The following SIPA1L1 variants were observed in gnomAD, a reference collection of about 807,000 sequenced individuals.
SIPA1L1 encodes signal induced proliferation associated 1 like 1, also known as signal-induced proliferation-associated 1-like protein 1.
In SIPA1L1, 26 loss-of-function variants were observed where a neutral mutation model predicts 162.7. The ratio of observed to expected loss-of-function variants is 0.16; its 90% confidence interval spans 0.12 to 0.22. SIPA1L1 has a LOEUF of 0.22. SIPA1L1 is among the 10% of genes least tolerant of loss of function. The pLI is 1.00. For missense variants in SIPA1L1, 1,874 were observed against 2,241.0 expected, an observed-to-expected ratio of 0.84 and a Z score of 3.31; for synonymous variants, 829 against 837.4, an observed-to-expected ratio of 0.99 and a Z score of 0.17.
chr14:71,700,286 A>G (rs1361174681), intron 14 of SIPA1L1, among the ~76,000 whole-genome samples: 1 of 151,654 alleles, frequency 6.6e-6, no homozygotes, highest in Non-Finnish European at 1.5e-5. Context: ...GGTCCCATAT[A>G]CTTGATAGGC....
intron 2 of SIPA1L1, among the ~76,000 whole-genome samples, chr14:71,365,345 C>T (rs893709655): frequency 6.6e-6 from 1 of 152,084 alleles, no homozygotes; most frequent in South Asian, 2.1e-4. Flanking sequence ...AATTACTTGC[C>T]TACCTATGCT....
At chr14:71,512,067 G>T (rs1015403145) in intron 2 of SIPA1L1, among the ~76,000 whole-genome samples, 1 of 152,152 alleles carries the variant, frequency 6.6e-6, no homozygotes, top group South Asian at 2.1e-4. Context: ...TCAAGGAGGG[G>T]GTCATGGGAA....
At chr14:71,417,364 G>A (rs1341272878) in intron 2 of SIPA1L1, among the ~76,000 whole-genome samples, 1 of 149,012 alleles carries the variant, frequency 6.7e-6, no homozygotes. Context: ...CCAGCTACTC[G>A]GGAGGCTGAG....
chr14:71,335,749 A>C (rs983248739), intron 2 of SIPA1L1, among the ~76,000 whole-genome samples: 1 of 152,210 alleles, frequency 6.6e-6, no homozygotes, highest in African/African-American at 2.4e-5. Flanking sequence ...AGATTTATAA[A>C]ATAGGTTTAC....
rs549084138 is a variant in SIPA1L1 at position 71,413,610 on chromosome 14, A to G, written c.-465+92429A>G. ...AAAATTAGCCGGTGTGGTGGTGCAC[A>G]CCTGTAATCCCAGCTACTCAGGAGG... On this transcript the variant is annotated intron_variant, in intron 2 of 23. Transcript: ENST00000381232. Among the ~76,000 whole-genome samples, 87 of 152,184 alleles carry G rather than the reference A, an allele frequency of 5.7e-4. 1 individual carries two copies. The East Asian group carries it at 0.016, about 28-fold the overall frequency.
intron 19 of SIPA1L1, 60 bp from the exon 20 acceptor site, chr14:71,729,994 CT>C: frequency 6.4e-7 from 1 of 1,570,138 alleles, no homozygotes; most frequent in Non-Finnish European, 8.7e-7. Flanking sequence ...CTCCCCCAAC[CT>C]TGGTCTCAGG....
chr14:71,739,189 C>A lies in SIPA1L1; in HGVS notation c.*28C>A. 2 of 1,589,598 alleles carry A rather than the reference C, an allele frequency of 1.3e-6. No individual in the cohort carries two copies. The highest frequency in any genetic ancestry group is 1.7e-6 in the Non-Finnish European group (2 of 1,165,352). On this transcript the variant is annotated 3_prime_UTR_variant, in exon 24 of 24. Coordinates refer to ENST00000381232, the MANE Select transcript of SIPA1L1 (RefSeq NM_001386936.1). ...AAGGCTGAGGAGGACAGGAGAAGGG[C>A]CCAGACACTCCCTCCAGTGAGTGTC...
chr14:71,671,901 C>CTGTGTGTGTGTGTG (rs34919280), intron 11 of SIPA1L1, among the ~76,000 whole-genome samples: 1 of 142,592 alleles, frequency 7.0e-6, no homozygotes, highest in Non-Finnish European at 1.5e-5. Flanking sequence ...CACATTTACT[C>CTGTGTGTGTGTGTG]TGTGTGTGTG....
intron 2 of SIPA1L1, among the ~76,000 whole-genome samples, chr14:71,352,001 A>G (rs893483041): frequency 1.3e-5 from 2 of 151,028 alleles, no homozygotes; most frequent in Non-Finnish European, 1.5e-5. Context: ...GCTAGGTATT[A>G]ACAAGTGTGC....
intron 5 of SIPA1L1, among the ~76,000 whole-genome samples, chr14:71,596,642 G>A (rs2036067705): frequency 6.6e-6 from 1 of 152,144 alleles, no homozygotes; most frequent in African/African-American, 2.4e-5. Flanking sequence ...GTCTGGAGGA[G>A]AACAAATAGA....
chr14:71,632,127 C>T (rs1249850559), intron 7 of SIPA1L1, among the ~76,000 whole-genome samples: 2 of 152,170 alleles, frequency 1.3e-5, no homozygotes, highest in Non-Finnish European at 2.9e-5. Context: ...TATTTCTCTG[C>T]GTTCTTCCTG....
chr14:71,619,467 A>C (rs910018957), intron 6 of SIPA1L1, among the ~76,000 whole-genome samples: 1 of 152,076 alleles, frequency 6.6e-6, no homozygotes, highest in African/African-American at 2.4e-5. Flanking sequence ...AAATATACAC[A>C]ATGTATGAGT....
chr14:71,577,187 A>G (rs551458844), intron 4 of SIPA1L1, among the ~76,000 whole-genome samples: 1 of 152,294 alleles, frequency 6.6e-6, no homozygotes, highest in South Asian at 2.1e-4. Context: ...TTAATTATCA[A>G]TAAATACTTT....
At chr14:71,339,487 C>T (rs1394183158) in intron 2 of SIPA1L1, among the ~76,000 whole-genome samples, 8 of 151,810 alleles carry the variant, frequency 5.3e-5, no homozygotes, top group African/African-American at 1.5e-4. Flanking sequence ...CTCAGCCTCC[C>T]GAGTAGCTGG....
chr14:71,666,055 TCAA>T (rs775348179), intron 10 of SIPA1L1, among the ~76,000 whole-genome samples: 1 of 152,124 alleles, frequency 6.6e-6, no homozygotes, highest in Non-Finnish European at 1.5e-5. Flanking sequence ...ATACCATTTT[TCAA>T]CAACTACAGA....
intron 2 of SIPA1L1, among the ~76,000 whole-genome samples, chr14:71,412,646 CT>C (rs1021103313): frequency 1.3e-5 from 2 of 152,152 alleles, no homozygotes; most frequent in Non-Finnish European, 2.9e-5. Flanking sequence ...GGAAGAGGAA[CT>C]TCCCCTTTTG....
intron 2 of SIPA1L1, chr14:71,418,145 C>T (rs1200012045): frequency 1.3e-5 from 2 of 152,206 alleles, no homozygotes; most frequent in African/African-American, 4.8e-5. Flanking sequence ...AAGAGAGCAG[C>T]TGCCCATGCC....
intron 2 of SIPA1L1, among the ~76,000 whole-genome samples, chr14:71,463,390 TAA>T (rs35230210): frequency 6.6e-6 from 1 of 152,166 alleles, no homozygotes; most frequent in Non-Finnish European, 1.5e-5. Context: ...GCACCTGAGC[TAA>T]AACTCCATTA....
intron 2 of SIPA1L1, among the ~76,000 whole-genome samples, chr14:71,346,701 T>C (rs1418593865): frequency 6.6e-6 from 1 of 152,202 alleles, no homozygotes; most frequent in African/African-American, 2.4e-5. Context: ...ATTATTGAGA[T>C]ATAATTCACA....
Sources: gnomAD v4.1 joint callset for allele counts (sites outside exome capture counted in the v4.1 genomes callset) on GRCh38, gnomAD v4.1.1 for gene constraint, MANE v1.5 for transcripts, NCBI Gene and HGNC (gene_info 2026-07-23, HGNC 2026-07-21) for gene names.